The following ATXN8OS variants were observed in gnomAD, a reference collection of about 807,000 sequenced individuals.
ATXN8OS encodes ATXN8 opposite strand (non-protein coding).
chr13:70,140,378 G>C (rs1888694283), intron 3 of ATXN8OS, among the ~76,000 whole-genome samples: 1 of 151,820 alleles, frequency 6.6e-6, no homozygotes, highest in Non-Finnish European at 1.5e-5. Context: ...TTCTTCACTA[G>C]GTGAGCCTAT....
At chr13:70,161,817 G>A (rs1048336576) in intron 4 of ATXN8OS, among the ~76,000 whole-genome samples, 1 of 151,854 alleles carries the variant, frequency 6.6e-6, no homozygotes, top group African/African-American at 2.4e-5. Context: ...GAATCCTAAT[G>A]TAGGTTATAG....
intron 2 of ATXN8OS, among the ~76,000 whole-genome samples, chr13:70,117,613 A>G (rs1172555208): frequency 6.6e-6 from 1 of 152,098 alleles, no homozygotes; most frequent in Non-Finnish European, 1.5e-5. Flanking sequence ...ATGGAACGTC[A>G]CAGGCTTTGA....
intron 4 of ATXN8OS, among the ~76,000 whole-genome samples, chr13:70,163,033 CT>C (rs11309556): frequency 0.93 from 140,906 of 151,902 alleles, 65,917 homozygotes; most frequent in East Asian, 0.99. Flanking sequence ...TATTCTCTCC[CT>C]TTTTTTTCCC....
intron 3 of ATXN8OS, among the ~76,000 whole-genome samples, chr13:70,145,857 G>A (rs1251475406): frequency 1.3e-5 from 2 of 151,238 alleles, no homozygotes; most frequent in South Asian, 2.1e-4. Flanking sequence ...CATGGGCAAG[G>A]ACTTCATGTC....
intron 3 of ATXN8OS, among the ~76,000 whole-genome samples, chr13:70,135,114 C>T (rs1044967353): frequency 6.6e-6 from 1 of 152,188 alleles, no homozygotes; most frequent in Non-Finnish European, 1.5e-5. Context: ...ACCCAATCCA[C>T]TTTTCCTCAA....
chr13:70,141,008 C>T (rs1397374938), intron 3 of ATXN8OS, among the ~76,000 whole-genome samples: 1 of 152,058 alleles, frequency 6.6e-6, no homozygotes, highest in African/African-American at 2.4e-5. Flanking sequence ...ATAGTTGAAC[C>T]ATTTACTTGT....
At chr13:70,162,685 A>G (rs553662528) in intron 4 of ATXN8OS, among the ~76,000 whole-genome samples, 2 of 152,150 alleles carry the variant, frequency 1.3e-5, no homozygotes, top group African/African-American at 4.8e-5. Flanking sequence ...AGGCCTCACA[A>G]TCTCAAGTGA....
intron 1 of ATXN8OS, among the ~76,000 whole-genome samples, chr13:70,112,609 TC>T (rs1408388803): frequency 6.6e-6 from 1 of 152,042 alleles, no homozygotes; most frequent in Non-Finnish European, 1.5e-5. Flanking sequence ...TATTCATTGA[TC>T]CCCAGGGGCC....
rs565049175 is a variant in ATXN8OS at position 70,133,430 on chromosome 13, AATAT to A, written n.499+3547_499+3550del. Among the ~76,000 whole-genome samples the A allele has an allele frequency of 4.4e-4, 67 of 152,272 alleles. No individual in the cohort carries two copies. The South Asian group carries it at 0.013, about 31-fold the overall frequency. ...AATAGCATAAAGGAATATGTACTGT[AATAT>A]TTAAGTATTGGATTTTTAGTAATGA... On this transcript the variant is annotated intron_variant and non_coding_transcript_variant, in intron 3 of 4. Coordinates refer to ENST00000678624, the Ensembl canonical transcript of ATXN8OS.
At chr13:70,124,135 T>C (rs1417116222) in intron 2 of ATXN8OS, among the ~76,000 whole-genome samples, 1 of 152,148 alleles carries the variant, frequency 6.6e-6, no homozygotes, top group Non-Finnish European at 1.5e-5. Context: ...TACAGTCCTG[T>C]ATTATTTTTT....
intron 2 of ATXN8OS, among the ~76,000 whole-genome samples, chr13:70,126,901 G>A (rs716663): frequency 0.14 from 21,917 of 151,288 alleles, 2,128 homozygotes; most frequent in African/African-American, 0.28. Flanking sequence ...AGATAACTCT[G>A]TATCTGTAAC....
At chr13:70,122,562 GAAAT>G (rs1345885398) in intron 2 of ATXN8OS, among the ~76,000 whole-genome samples, 4 of 151,914 alleles carry the variant, frequency 2.6e-5, no homozygotes, top group East Asian at 1.9e-4. Flanking sequence ...GTACGGCTGA[GAAAT>G]AAATAAACTG....
chr13:70,158,716 G>A (rs989700938), intron 4 of ATXN8OS, among the ~76,000 whole-genome samples: 2 of 152,144 alleles, frequency 1.3e-5, no homozygotes, highest in Non-Finnish European at 2.9e-5. Context: ...GCACGGTTGT[G>A]CTCTGATATA....
At chr13:70,170,976 A>T (rs1229994783) in exon 5 of ATXN8OS, among the ~76,000 whole-genome samples, 1 of 152,134 alleles carries the variant, frequency 6.6e-6, no homozygotes, top group Non-Finnish European at 1.5e-5. Context: ...GAAGTACAGT[A>T]AAAATATGAT....
intron 1 of ATXN8OS, among the ~76,000 whole-genome samples, chr13:70,114,835 T>C (rs1236086773): frequency 6.6e-6 from 1 of 152,136 alleles, no homozygotes; most frequent in Non-Finnish European, 1.5e-5. Flanking sequence ...AATATTTTCT[T>C]ATATTAATTG....
intron 3 of ATXN8OS, among the ~76,000 whole-genome samples, chr13:70,146,658 A>G (rs1033412171): frequency 3.3e-5 from 5 of 151,668 alleles, no homozygotes; most frequent in Admixed American, 2.6e-4. Flanking sequence ...GCAAACTATC[A>G]CAAGGACAAA....
At chr13:70,151,214 C>G (rs749224102) in intron 4 of ATXN8OS, among the ~76,000 whole-genome samples, 1 of 152,066 alleles carries the variant, frequency 6.6e-6, no homozygotes, top group Non-Finnish European at 1.5e-5. Flanking sequence ...TATTAACTTA[C>G]AGACACCATG....
At chr13:70,107,749 G>T (rs754317021), upstream of ATXN8OS, 2 of 1,397,484 alleles carry the variant, frequency 1.4e-6, no homozygotes, top group Non-Finnish European at 1.9e-6. Context: ...GGAGTAGGCT[G>T]GTCAGCAGGT....
At chr13:70,114,770 G>A (rs1888249827) in intron 1 of ATXN8OS, among the ~76,000 whole-genome samples, 2 of 152,094 alleles carry the variant, frequency 1.3e-5, no homozygotes, top group South Asian at 4.1e-4. Context: ...ATCTTATTTA[G>A]GTAGGCATTA....
Sources: gnomAD v4.1 joint callset for allele counts (sites outside exome capture counted in the v4.1 genomes callset) on GRCh38, gnomAD v4.1.1 for gene constraint, MANE v1.5 for transcripts, NCBI Gene and HGNC (gene_info 2026-07-23, HGNC 2026-07-21) for gene names.